Variants in SLC4A8 observed in about 807,000 individuals in gnomAD.
SLC4A8 encodes the protein solute carrier family 4 member 8.
SLC4A8 carries 40 observed loss-of-function variants against 125.0 expected under a neutral mutation model. The observed-to-expected ratio is 0.32, with a 90% CI of 0.25 to 0.42. SLC4A8 has a LOEUF of 0.42. Ranked by LOEUF, SLC4A8 falls within the 10% of genes least tolerant of loss-of-function variation. The pLI is 1.00. For missense variants in SLC4A8, 863 were observed against 1,355.1 expected, an observed-to-expected ratio of 0.64 and a Z score of 5.70; for synonymous variants, 456 against 476.0, an observed-to-expected ratio of 0.96 and a Z score of 0.55.
At chr12:51,468,865 C>G (rs12311070) in intron 11 of SLC4A8, among the ~76,000 whole-genome samples, 1,675 of 152,314 alleles carry the variant, frequency 0.011, 37 homozygotes, top group Middle Eastern at 0.037. Context: ...GTATTATCCA[C>G]TCATATCTCT....
At chr12:51,423,159 A>C (rs952920800), upstream of SLC4A8, among the ~76,000 whole-genome samples, 2 of 152,244 alleles carry the variant, frequency 1.3e-5, no homozygotes, top group African/African-American at 4.8e-5. Flanking sequence ...AAGAAAAATA[A>C]TCATTGCTTT....
At chr12:51,494,868 A>C in intron 20 of SLC4A8, 77 bp from the exon 21 acceptor site, 70 of 1,121,818 alleles carry the variant, frequency 6.2e-5, no homozygotes, top group Non-Finnish European at 8.2e-5. Flanking sequence ...AGGTAATGTA[A>C]GAGATATGAA....
intron 1 of SLC4A8, among the ~76,000 whole-genome samples, chr12:51,431,269 G>A (rs1212949456): frequency 6.6e-6 from 1 of 152,204 alleles, no homozygotes; most frequent in African/African-American, 2.4e-5. Flanking sequence ...AATTTAGGAT[G>A]ATCTCCTTAT....
chr12:51,491,931 G>A (rs1951329686), intron 19 of SLC4A8, among the ~76,000 whole-genome samples: 1 of 152,112 alleles, frequency 6.6e-6, no homozygotes. Context: ...AAGGAATTCA[G>A]TGGAACTATA....
intron 15 of SLC4A8, among the ~76,000 whole-genome samples, 175 bp from the exon 16 acceptor site, chr12:51,474,870 T>C (rs1376600388): frequency 6.6e-6 from 1 of 152,196 alleles, no homozygotes. Flanking sequence ...ACCACCCTAC[T>C]TGAAAGTGGC....
chr12:51,423,597 A>G (rs568473199), upstream of SLC4A8, among the ~76,000 whole-genome samples: 3 of 152,342 alleles, frequency 2.0e-5, no homozygotes, highest in East Asian at 5.8e-4. Flanking sequence ...AAGGATGGTA[A>G]GCAGGGGTGG....
At chr12:51,465,114 G>A (rs1425292763) in intron 11 of SLC4A8, among the ~76,000 whole-genome samples, 1 of 152,288 alleles carries the variant, frequency 6.6e-6, no homozygotes, top group Non-Finnish European at 1.5e-5. Flanking sequence ...GGCAGTTCAA[G>A]GGAAGCATAT....
At chr12:51,488,110 A>T (rs527660155) in intron 17 of SLC4A8, among the ~76,000 whole-genome samples, 39 of 152,392 alleles carry the variant, frequency 2.6e-4, no homozygotes, top group African/African-American at 9.1e-4. Flanking sequence ...GAAATTAATA[A>T]TTGAAGATTG....
At chr12:51,479,444 T>G (rs1950953454) in intron 16 of SLC4A8, among the ~76,000 whole-genome samples, 1 of 152,062 alleles carries the variant, frequency 6.6e-6, no homozygotes, top group African/African-American at 2.4e-5. Context: ...CCCAGCACTT[T>G]GGGAGGCCAA....
At chr12:51,394,438 T>G (rs1405017419) in intron 1 of SLC4A8, among the ~76,000 whole-genome samples, 1 of 152,220 alleles carries the variant, frequency 6.6e-6, no homozygotes, top group Non-Finnish European at 1.5e-5. Flanking sequence ...AGGCTTCCTC[T>G]CCACCAAGCC....
At position 51,514,401 on chromosome 12, in the gene SLC4A8, G is replaced by T. The variant is rs564969939; in HGVS notation, c.*6963G>T. On this transcript the variant is annotated 3_prime_UTR_variant, in exon 25 of 25. Transcript: ENST00000453097. ...AAGTTCCTCCCTCCTTTACTGTCTC[G>T]GCTTTTTCAAGCACCCCTTTCACCT... 1 of 152,520 alleles carries T rather than the reference G, an allele frequency of 6.6e-6. No individual in the cohort carries two copies. The highest frequency in any genetic ancestry group is 1.5e-5 in the Non-Finnish European group (1 of 68,040). The allele number at this position is 152,520 out of a possible 1,614,324, so 9.4% of individuals were successfully genotyped here.
chr12:51,468,664 G>T lies in SLC4A8; in HGVS notation c.1350-950G>T, dbSNP rs940034379. 4.6e-5 allele frequency among the ~76,000 whole-genome samples: 7 copies of T among 152,302 alleles called. No individual in the cohort carries two copies. The Middle Eastern group carries it at 0.014, about 296-fold the overall frequency. Reference sequence around the variant, plus strand: ...AGTCCCAGCTACTCGGGAGGCTGAGGCAGGAGAATGGTGTGAACCCAGGAG... The same window carrying T: ...AGTCCCAGCTACTCGGGAGGCTGAGTCAGGAGAATGGTGTGAACCCAGGAG... On this transcript the variant is annotated intron_variant, in intron 11 of 24. Transcript: ENST00000453097.
intron 18 of SLC4A8, 30 bp from the exon 19 acceptor site, chr12:51,489,670 G>A (rs1592266430): frequency 2.5e-6 from 4 of 1,613,184 alleles, no homozygotes; most frequent in East Asian, 2.2e-5. Context: ...CTAGCCTACT[G>A]ATGGTGACAA....
chr12:51,422,203 CATT>C (rs1948803773), upstream of SLC4A8: 1 of 152,144 alleles, frequency 6.6e-6, no homozygotes, highest in Admixed American at 6.5e-5. Context: ...AGAGTAGAGA[CATT>C]ATGACTATTA....
Position 51,497,082 on chromosome 12 carries a change from G to A in SLC4A8, c.3039G>A (p.Lys1013=). The part of the protein sequence containing the change: ...WLDDLMPESK[K]KKLDDAKKKA... ...ATGATCTCATGCCTGAAAGCAAAAA[G>A]AAGAAGTTGGATGATGCCAAAAAGA... Residue 1013 remains lysine (K), a synonymous_variant, in exon 22 of 25, where the codon AAG becomes AAA. Transcript: ENST00000453097. 6.2e-7 allele frequency: 1 copy of A among 1,613,774 alleles called. No homozygotes were observed. The highest frequency in any genetic ancestry group is 8.5e-7 in the Non-Finnish European group (1 of 1,179,962).
Position 51,435,678 on chromosome 12 carries a change from A to G in SLC4A8, c.49-5030A>G, listed in dbSNP as rs551648708. On this transcript the variant is annotated intron_variant, in intron 1 of 24. Coordinates refer to ENST00000453097, the MANE Select transcript of SLC4A8 (RefSeq NM_001039960.3). ...TTATGAAGTGAACTCATCAATCTTA[A>G]CATATTGACATGGTCAATCTGTTGT... Among the ~76,000 whole-genome samples the G allele has an allele frequency of 3.0e-3, 451 of 152,328 alleles. 2 individuals carry two copies. The highest frequency in any genetic ancestry group is 0.011 in the African/African-American group (439 of 41,572).
At chr12:51,451,663 AGT>A (rs1170997858) in intron 3 of SLC4A8, among the ~76,000 whole-genome samples, 1 of 151,818 alleles carries the variant, frequency 6.6e-6, no homozygotes. Flanking sequence ...TTATGGAATA[AGT>A]GTGTGTGTGT....
At position 51,405,520 on chromosome 12, in the gene SLC4A8, C is replaced by T. The variant is rs61392573; in HGVS notation, c.-112+14032C>T. 8.7e-3 allele frequency among the ~76,000 whole-genome samples: 1,321 copies of T among 152,248 alleles called. 21 individuals are homozygous for T. Among genetic ancestry groups the T allele is most frequent in the African/African-American group, 0.03 (1,245 of 41,534 alleles). On this transcript the variant is annotated intron_variant, in intron 1 of 24. Coordinates refer to the SLC4A8 transcript ENST00000358657. ...CTCCACCATTATATATAAATAATAC[C>T]GCTGTAAACCCCCTTTATGTTCATC...
chr12:51,458,827 C>G (rs1344692135), intron 7 of SLC4A8, among the ~76,000 whole-genome samples, 177 bp downstream of exon 7: 2 of 152,210 alleles, frequency 1.3e-5, no homozygotes, highest in African/African-American at 4.8e-5. Flanking sequence ...TCTCCTTCAG[C>G]CTGGATGAAG....
Sources: allele counts gnomAD v4.1 joint callset (sites outside exome capture counted in the v4.1 genomes callset), GRCh38; gene constraint gnomAD v4.1.1; transcripts MANE v1.5; gene names NCBI Gene and HGNC (gene_info 2026-07-23, HGNC 2026-07-21).